Variants in DLG2 observed in about 807,000 individuals in gnomAD.
DLG2 encodes the protein discs large MAGUK scaffold protein 2.
Under a neutral mutation model 132.5 loss-of-function variants are expected in DLG2, and 45 were observed. The observed-to-expected ratio is 0.34, with a 90% CI of 0.27 to 0.44. The LOEUF is 0.44. Ranked by LOEUF, DLG2 falls within the 20% of genes least tolerant of loss-of-function variation. The pLI is 1.00. For synonymous variants in DLG2, 424 were observed against 419.6 expected, an observed-to-expected ratio of 1.01 and a Z score of -0.13; for missense variants, 1,045 against 1,196.9, an observed-to-expected ratio of 0.87 and a Z score of 1.87.
At chr11:85,519,426 G>T (rs961608960) in intron 3 of DLG2, among the ~76,000 whole-genome samples, 1 of 152,150 alleles carries the variant, frequency 6.6e-6, no homozygotes, top group Non-Finnish European at 1.5e-5. Flanking sequence ...CCTGGATTTC[G>T]GACTTGCATG....
intron 3 of DLG2, among the ~76,000 whole-genome samples, chr11:85,401,013 C>G (rs1381999666): frequency 1.3e-5 from 2 of 150,576 alleles, no homozygotes; most frequent in Middle Eastern, 3.4e-3. Flanking sequence ...GATACCAAAG[C>G]CTGGCAGAGA....
At chr11:84,995,447 A>G (rs1347903688) in intron 6 of DLG2, among the ~76,000 whole-genome samples, 1 of 152,206 alleles carries the variant, frequency 6.6e-6, no homozygotes, top group African/African-American at 2.4e-5. Flanking sequence ...AATCTTGTTA[A>G]GCATTAAAGT....
chr11:84,350,356 T>C (rs2098558223), intron 7 of DLG2, among the ~76,000 whole-genome samples: 1 of 152,180 alleles, frequency 6.6e-6, no homozygotes, highest in Non-Finnish European at 1.5e-5. Flanking sequence ...CCACATATTT[T>C]ATCACATATG....
Position 83,469,226 on chromosome 11 carries a change from T to G in DLG2, c.2594A>C (p.Gln865Pro). 6.2e-7 allele frequency: 1 copy of G among 1,612,674 alleles called. No individual in the cohort carries two copies. The highest frequency in any genetic ancestry group is 8.5e-7 in the Non-Finnish European group (1 of 1,179,418). Reference protein sequence around the residue: ...YNDNLYGTSVQSVRFVAERGK... With the variant: ...YNDNLYGTSVPSVRFVAERGK... ...TCTTTCTGCTACAAATCTCACAGACTGCACACTGGTTCCATATAAATTGTC... is the reference window on the plus strand; with the variant it reads ...TCTTTCTGCTACAAATCTCACAGACGGCACACTGGTTCCATATAAATTGTC... Residue 865 changes from glutamine to proline, a missense_variant, in exon 25 of 28, where the codon CAG (glutamine) becomes CCG (proline). Around this residue, in one of 4 missense-constraint regions of DLG2, gnomAD observed 398 missense variants for 543.6 expected, o/e 0.73. Transcript: ENST00000376104.
intron 5 of DLG2, among the ~76,000 whole-genome samples, chr11:85,140,869 T>C (rs1444099116): frequency 1.3e-5 from 2 of 151,964 alleles, no homozygotes; most frequent in Non-Finnish European, 2.9e-5. Context: ...TCACTTAACA[T>C]AATGACCTCA....
intron 6 of DLG2, among the ~76,000 whole-genome samples, chr11:84,691,167 G>A (rs1386400272): frequency 6.6e-6 from 1 of 151,732 alleles, no homozygotes; most frequent in Non-Finnish European, 1.5e-5. Flanking sequence ...CCAGTTGAAA[G>A]TAATTTCTGC....
chr11:84,869,460 T>A (rs947994726), intron 6 of DLG2, among the ~76,000 whole-genome samples: 1 of 152,178 alleles, frequency 6.6e-6, no homozygotes, highest in African/African-American at 2.4e-5. Flanking sequence ...GCTCTGTCAA[T>A]CTCTGAAAGG....
At chr11:85,009,361 TTTGA>T (rs750358169) in intron 6 of DLG2, among the ~76,000 whole-genome samples, 2 of 152,116 alleles carry the variant, frequency 1.3e-5, no homozygotes, top group African/African-American at 2.4e-5. Flanking sequence ...AATGGAATCA[TTTGA>T]TTGAGCTGCT....
At chr11:83,854,550 G>GA (rs1322297737) in intron 16 of DLG2, among the ~76,000 whole-genome samples, 1 of 151,852 alleles carries the variant, frequency 6.6e-6, no homozygotes, top group Admixed American at 6.6e-5. Context: ...ATGCAAAACA[G>GA]AAAAAAATAG....
intron 17 of DLG2, among the ~76,000 whole-genome samples, chr11:83,821,112 C>CT (rs1266090816): frequency 1.3e-5 from 2 of 152,210 alleles, no homozygotes; most frequent in African/African-American, 4.8e-5. Context: ...AGACATAACG[C>CT]TTATGCTTAC....
At chr11:84,478,741 T>C (rs1288547807) in intron 7 of DLG2, among the ~76,000 whole-genome samples, 2 of 152,060 alleles carry the variant, frequency 1.3e-5, no homozygotes, top group Non-Finnish European at 2.9e-5. Flanking sequence ...GTTATATAAC[T>C]ATGTATATTT....
intron 4 of DLG2, among the ~76,000 whole-genome samples, chr11:85,266,612 A>T (rs1393610459): frequency 7.6e-6 from 1 of 131,046 alleles, no homozygotes; most frequent in Non-Finnish European, 1.6e-5. Context: ...GTATAATTTA[A>T]AAAAAAAGAA....
chr11:85,497,914 G>T (rs1261658077), intron 3 of DLG2, among the ~76,000 whole-genome samples: 3 of 152,126 alleles, frequency 2.0e-5, no homozygotes, highest in Non-Finnish European at 4.4e-5. Context: ...TGCCTCACAG[G>T]AGCTCCTGAA....
At chr11:84,452,144 G>A (rs1602378209) in intron 7 of DLG2, among the ~76,000 whole-genome samples, 1 of 151,292 alleles carries the variant, frequency 6.6e-6, no homozygotes, top group Admixed American at 6.6e-5. Flanking sequence ...GGAGGAGGAG[G>A]AGATGAGGAA....
rs563792523 is a variant in DLG2, at chr11:84,444,302, C to T, written c.519+90268G>A. 3.3e-5 allele frequency among the ~76,000 whole-genome samples: 5 copies of T among 152,104 alleles called. No individual in the cohort carries two copies. The East Asian group carries it at 5.8e-4, about 18-fold the overall frequency. On this transcript the variant is annotated intron_variant, in intron 7 of 27. Coordinates refer to ENST00000376104, the MANE Select transcript of DLG2 (RefSeq NM_001142699.3). ...ATCTAGGTGATGGGTTGGTGATCTG[C>T]GCAGCAAAACACCATGGCTCATGTT...
intron 6 of DLG2, among the ~76,000 whole-genome samples, chr11:85,061,103 G>A (rs2064083839): frequency 2.0e-5 from 3 of 151,358 alleles, no homozygotes; most frequent in Admixed American, 1.3e-4. Context: ...AGTTATAGAA[G>A]TTCCTTATAT....
intron 11 of DLG2, among the ~76,000 whole-genome samples, chr11:84,022,377 A>C (rs1418262220): frequency 6.6e-6 from 1 of 152,126 alleles, no homozygotes; most frequent in Non-Finnish European, 1.5e-5. Context: ...AACCAAGCTC[A>C]ACAACACTTA....
At chr11:84,298,190 C>T (rs947083229) in intron 7 of DLG2, among the ~76,000 whole-genome samples, 2 of 152,114 alleles carry the variant, frequency 1.3e-5, no homozygotes, top group Admixed American at 1.3e-4. Context: ...GTTATACTAT[C>T]TATTATCAAT....
At chr11:85,133,020 C>G in intron 5 of DLG2, 1 of 343,582 alleles carries the variant, frequency 2.9e-6, no homozygotes, top group South Asian at 2.3e-5. Context: ...AAATCAGCTC[C>G]GGCAAAACTT....
Sources: gnomAD v4.1 joint callset for allele counts (sites outside exome capture counted in the v4.1 genomes callset) on GRCh38, gnomAD v4.1.1 for gene constraint, gnomAD v4.1.1 regional missense constraint, MANE v1.5 for transcripts, NCBI Gene and HGNC (gene_info 2026-07-23, HGNC 2026-07-21) for gene names.